The following ZNF366 variants were observed in gnomAD, a reference collection of about 807,000 sequenced individuals.
ZNF366 encodes dendritic cell-specific transcript protein.
A neutral mutation model predicts 47.2 loss-of-function variants in ZNF366; 20 were observed. The ratio of observed to expected loss-of-function variants is 0.42; its 90% CI spans 0.30 to 0.62. ZNF366 has a LOEUF of 0.62. Among genes scored for constraint, ZNF366 ranks in the 20% least tolerant of loss-of-function variants. The pLI is 0.16. For missense variants in ZNF366, 987 were observed against 976.3 expected (o/e 1.01, Z -0.15); for synonymous variants, 421 against 395.1 (o/e 1.07, Z -0.78).
At chr5:72,462,502 G>A (rs1198679211) in intron 1 of ZNF366, among the ~76,000 whole-genome samples, 1 of 86,622 alleles carries the variant, frequency 1.2e-5, no homozygotes, top group African/African-American at 5.1e-5. Context: ...ACGTCTCCTT[G>A]CCAGTTTTCT....
chr5:72,489,629 T>A (rs1309553761), intron 1 of ZNF366, among the ~76,000 whole-genome samples: 1 of 152,240 alleles, frequency 6.6e-6, no homozygotes, highest in Non-Finnish European at 1.5e-5. Context: ...TGAGCTTTGC[T>A]ACCCTTCAGA....
In ZNF366 at chr5:72,444,309, G is replaced by T; in HGVS notation, c.1700-18C>A. ...TCCCAGACCTGCAAGAGCAGAGTAA[G>T]AATTCATGCACCTGAGGAAATGCTG... is the stretch of plus-strand genomic sequence containing the variant. On this transcript the variant is annotated intron_variant, in intron 4 of 4. Coordinates refer to ENST00000318442, the MANE Select transcript of ZNF366 (RefSeq NM_152625.3). 6.3e-7 allele frequency: 1 copy of T among 1,591,512 alleles called. No homozygotes were observed. The highest frequency in any genetic ancestry group is 1.3e-5 in the African/African-American group (1 of 74,554).
intron 1 of ZNF366, among the ~76,000 whole-genome samples, chr5:72,485,007 CTCA>C (rs1561201770): frequency 6.6e-6 from 1 of 152,154 alleles, no homozygotes. Context: ...TAATTCAGTA[CTCA>C]TCATTAGCCA....
rs766500674 is a variant in ZNF366 at position 72,461,219 on chromosome 5, T to G, written c.278A>C (p.Glu93Ala). 161 of 1,614,004 alleles carry G rather than the reference T, an allele frequency of 1.0e-4. No homozygotes were observed. Among genetic ancestry groups the G allele is most frequent in the Non-Finnish European group, 1.4e-4 (160 of 1,180,050 alleles). Residue 93 changes from glutamate to alanine, a missense_variant, in exon 2 of 5, where the codon GAA becomes GCA. By Grantham distance (107) the Glu-to-Ala change is moderately radical. Around this residue, in one of 3 missense-constraint regions of ZNF366, gnomAD observed 591 missense variants for 560.9 expected, o/e 1.05. Transcript: ENST00000318442. Reference protein sequence around the residue: ...PTKMPYNHPAEEVTLALHSEE... With the variant: ...PTKMPYNHPAAEVTLALHSEE... ...TGAGTGGAGGGCGAGGGTGACTTCT[T>G]CTGCAGGGTGGTTATAGGGCATCTT...
At chr5:72,479,322 G>A (rs941176471) in intron 1 of ZNF366, among the ~76,000 whole-genome samples, 1 of 152,014 alleles carries the variant, frequency 6.6e-6, no homozygotes, top group Admixed American at 6.6e-5. Flanking sequence ...CAGCACTTTG[G>A]GAGTCTGAGG....
chr5:72,447,823 C>T (rs945382769), intron 3 of ZNF366, among the ~76,000 whole-genome samples: 1 of 152,172 alleles, frequency 6.6e-6, no homozygotes, highest in African/African-American at 2.4e-5. Flanking sequence ...CATGGAATAT[C>T]TTATTTAATT....
At chr5:72,506,901 C>A (rs1744330090) in intron 1 of ZNF366, among the ~76,000 whole-genome samples, 1 of 152,172 alleles carries the variant, frequency 6.6e-6, no homozygotes, top group Non-Finnish European at 1.5e-5. Flanking sequence ...CCTGATAAGG[C>A]TCCCAGGACA....
At position 72,460,981 on chromosome 5, in the gene ZNF366, C is replaced by A. The variant is rs149194101; in HGVS notation, c.516G>T (p.Thr172=). The A allele has an allele frequency of 1.3e-5, 21 of 1,613,638 alleles. No homozygotes were observed. In the East Asian group the frequency reaches 4.2e-4, roughly 33 times the overall value. ...GGACTTTGGGGTAGTAGGGGTAGGG[C>A]GTGGGCAGGAATGGAGTGGGCGTTG... ...PQPTPTPFLP[T]PYPYYPKVHP... is the part of the protein sequence containing the mutation. The change falls in exon 2 of 5, where the codon ACG becomes ACT. Residue 172 remains threonine, a synonymous_variant. Coordinates refer to ENST00000318442, the MANE Select transcript of ZNF366 (RefSeq NM_152625.3).
chr5:72,447,095 T>A, intron 4 of ZNF366, 148 bp downstream of exon 4: 1 of 850,804 alleles, frequency 1.2e-6, no homozygotes, highest in Non-Finnish European at 1.8e-6. Context: ...AGCATCAGAT[T>A]TTTTCTAGTA....
chr5:72,503,928 T>G (rs963251994), intron 1 of ZNF366, among the ~76,000 whole-genome samples: 2 of 152,244 alleles, frequency 1.3e-5, no homozygotes, highest in Non-Finnish European at 2.9e-5. Context: ...GAGAGAAATT[T>G]AACTAAGACC....
rs775265190 is a variant in ZNF366 at position 72,460,982 on chromosome 5, G to A, written c.515C>T (p.Thr172Met). 1 of 1,613,800 alleles carries A rather than the reference G, an allele frequency of 6.2e-7. No individual in the cohort carries two copies. Among genetic ancestry groups the A allele is most frequent in the East Asian group, 2.2e-5 (1 of 44,868 alleles). ...PQPTPTPFLP[T>M]PYPYYPKVHP... ...GACTTTGGGGTAGTAGGGGTAGGGC[G>A]TGGGCAGGAATGGAGTGGGCGTTGG... Residue 172 changes from threonine (T) to methionine (M), a missense_variant, in exon 2 of 5, where the codon ACG becomes ATG. Thr to Met is a moderately conservative substitution (Grantham distance 81). This residue lies in a region of ZNF366 where 591 missense variants were observed against 560.9 expected (regional missense o/e 1.05). Transcript: ENST00000318442.
rs79683030 is a variant in ZNF366 at position 72,506,334 on chromosome 5, C to T, written c.-15+917G>A. On this transcript the variant is annotated intron_variant, in intron 1 of 4. Coordinates refer to ENST00000318442, the MANE Select transcript of ZNF366 (RefSeq NM_152625.3). ...ATGATTTCGGCTCCCTCATGGCTTG[C>T]GATGATAGGTGCTGGTAACATTATC... is the stretch of plus-strand genomic sequence containing the variant. Among the ~76,000 whole-genome samples the T allele has an allele frequency of 2.5e-3, 373 of 152,234 alleles. 3 individuals carry two copies. The highest frequency in any genetic ancestry group is 8.4e-3 in the African/African-American group (350 of 41,524).
In ZNF366 at chr5:72,445,277, G is replaced by A. The variant is rs181917084; in HGVS notation, c.1700-986C>T. On this transcript the variant is annotated intron_variant, in intron 4 of 4. Transcript: ENST00000318442. ...GGCTTTGACCTTTGATGAGCCAATA[G>A]TCAGGCCTCCAGGGATGGGCGGGAC... Among the ~76,000 whole-genome samples the A allele has an allele frequency of 4.6e-5, 7 of 152,296 alleles. No individual in the cohort carries two copies. The East Asian group carries it at 1.4e-3, about 29-fold the overall frequency.
intron 1 of ZNF366, among the ~76,000 whole-genome samples, chr5:72,473,448 A>T (rs1743610758): frequency 6.6e-6 from 1 of 152,198 alleles, no homozygotes; most frequent in South Asian, 2.1e-4. Flanking sequence ...CCTCTACCTG[A>T]CTGTCAAAGT....
chr5:72,464,233 ACTT>A (rs1268405132), intron 1 of ZNF366, among the ~76,000 whole-genome samples: 1 of 152,176 alleles, frequency 6.6e-6, no homozygotes, highest in African/African-American at 2.4e-5. Context: ...TTAAGAAGTT[ACTT>A]CTTCTTAAGT....
chr5:72,485,170 T>TA (rs1333288430), intron 1 of ZNF366, among the ~76,000 whole-genome samples: 1 of 152,136 alleles, frequency 6.6e-6, no homozygotes, highest in African/African-American at 2.4e-5. Context: ...GCGGAAAAAA[T>TA]ATTTTTCAAC....
At chr5:72,469,528 G>A in intron 1 of ZNF366, among the ~76,000 whole-genome samples, 1 of 151,880 alleles carries the variant, frequency 6.6e-6, no homozygotes, top group East Asian at 1.9e-4. Context: ...ATATACAGAG[G>A]GGAACAGGGT....
chr5:72,443,930 G>A lies in ZNF366; in HGVS notation c.2061C>T (p.Gly687=), dbSNP rs142133240. Residue 687 remains glycine, a synonymous_variant, in exon 5 of 5, where the codon GGC becomes GGT. Coordinates refer to ENST00000318442, the MANE Select transcript of ZNF366 (RefSeq NM_152625.3). ...KRSKGDLGAE[G]GQERDCAGRD... Reference sequence around the variant, plus strand: ...TGCCGGCACAGTCTCTCTCCTGGCCGCCCTCTGCCCCAAGGTCACCCTTGC... The same window carrying A: ...TGCCGGCACAGTCTCTCTCCTGGCCACCCTCTGCCCCAAGGTCACCCTTGC... 228 of 1,614,014 alleles carry A rather than the reference G, an allele frequency of 1.4e-4. No homozygotes were observed. Among genetic ancestry groups the A allele is most frequent in the Non-Finnish European group, 1.8e-4 (211 of 1,180,026 alleles).
intron 1 of ZNF366, among the ~76,000 whole-genome samples, chr5:72,476,269 A>G (rs2112340235): frequency 6.6e-6 from 1 of 152,196 alleles, no homozygotes; most frequent in East Asian, 1.9e-4. Flanking sequence ...AAAAATGCAA[A>G]CCTAGGCTCT....
Sources: gnomAD v4.1 joint callset for allele counts (sites outside exome capture counted in the v4.1 genomes callset) on GRCh38, gnomAD v4.1.1 for gene constraint, gnomAD v4.1.1 regional missense constraint, MANE v1.5 for transcripts, NCBI Gene and HGNC (gene_info 2026-07-23, HGNC 2026-07-21) for gene names.